Variants in CADM1 observed in about 807,000 individuals in gnomAD.
CADM1 encodes the protein TSLC-1.
A neutral mutation model predicts 53.1 loss-of-function variants in CADM1; 15 were observed. The ratio of observed to expected loss-of-function variants is 0.28; its 90% CI spans 0.19 to 0.44. The LOEUF is 0.44. Among genes scored for constraint, CADM1 ranks in the 20% least tolerant of loss-of-function variants. The pLI is 1.00. For synonymous variants in CADM1, 281 were observed against 243.0 expected (o/e 1.16, Z -1.45); for missense variants, 434 against 611.3 (o/e 0.71, Z 3.06).
chr11:115,176,138 G>C lies in CADM1; in HGVS notation c.*336C>G, dbSNP rs573958980. On this transcript the variant is annotated 3_prime_UTR_variant, in exon 12 of 12. Coordinates refer to ENST00000331581, the MANE Select transcript of CADM1 (RefSeq NM_001301043.2). Reference sequence around the variant, plus strand: ...AGGGAGGAAATAAATGTGCACAAAGGGGGAAAAGAAAGGAACGCAACAAAC... The same window carrying C: ...AGGGAGGAAATAAATGTGCACAAAGCGGGAAAAGAAAGGAACGCAACAAAC... 8.6e-7 allele frequency: 1 copy of C among 1,156,948 alleles called. No individual in the cohort carries two copies. Among genetic ancestry groups the C allele is most frequent in the Non-Finnish European group, 1.1e-6 (1 of 928,042 alleles). 71.7% of individuals were successfully genotyped at this position (1,156,948 alleles called of 1,614,324 possible).
At chr11:115,337,377 C>A (rs1945294925) in intron 1 of CADM1, among the ~76,000 whole-genome samples, 1 of 152,102 alleles carries the variant, frequency 6.6e-6, no homozygotes, top group South Asian at 2.1e-4. Context: ...ACTTGCTATC[C>A]TATTAGTTCT....
Position 115,206,758 on chromosome 11 carries a change from C to CTTTTTTTTTTTTTTTTT in CADM1, c.1078+2799_1078+2815dup, listed in dbSNP as rs56270694. ...AAAAGAAATAGATGACTGTGGACTT[C>CTTTTTTTTTTTTTTTTT]TTTTTTTTTTTTTTTTTTTTTTTTT... On this transcript the variant is annotated intron_variant, in intron 8 of 11. Transcript: ENST00000331581. 2.8e-3 allele frequency among the ~76,000 whole-genome samples: 106 copies of CTTTTTTTTTTTTTTTTT among 38,230 alleles called. 42 individuals are homozygous for CTTTTTTTTTTTTTTTTT. The highest frequency in any genetic ancestry group is 0.017 in the East Asian group (12 of 716). The allele number at this position is 38,230 out of a possible 152,430, so 25.1% of individuals were successfully genotyped here.
intron 1 of CADM1, among the ~76,000 whole-genome samples, chr11:115,269,572 C>T (rs1257710279): frequency 1.3e-5 from 2 of 152,164 alleles, no homozygotes; most frequent in Non-Finnish European, 2.9e-5. Context: ...CTCCAAACAG[C>T]AGGTGATTCC....
chr11:115,357,069 A>C (rs930556656), intron 1 of CADM1, among the ~76,000 whole-genome samples: 1 of 152,204 alleles, frequency 6.6e-6, no homozygotes, highest in African/African-American at 2.4e-5. Context: ...AACTGTGAAG[A>C]AAATTGAAAT....
Position 115,174,599 on chromosome 11 carries a change from A to G in CADM1, c.*1875T>C. 1 of 984,896 alleles carries G rather than the reference A, an allele frequency of 1.0e-6. No homozygotes were observed. Among genetic ancestry groups the G allele is most frequent in the Non-Finnish European group, 1.2e-6 (1 of 829,066 alleles). The allele number at this position is 984,896 out of a possible 1,614,324, so 61.0% of individuals were successfully genotyped here. A position where few individuals can be genotyped will look rare whatever the true frequency, so the allele number is the denominator to read the frequency against. ...TATCAAAGGTTAAAATAAAGACAAG[A>G]AAAATAAACATGTTTTCAAATAACA... is the stretch of plus-strand genomic sequence containing the variant. On this transcript the variant is annotated 3_prime_UTR_variant, in exon 12 of 12. Coordinates refer to ENST00000331581, the MANE Select transcript of CADM1 (RefSeq NM_001301043.2).
chr11:115,317,593 G>A (rs1453248565), intron 1 of CADM1, among the ~76,000 whole-genome samples: 2 of 152,148 alleles, frequency 1.3e-5, no homozygotes, highest in Non-Finnish European at 2.9e-5. Context: ...AGGGGCAGGA[G>A]GCTAATGACT....
intron 10 of CADM1, among the ~76,000 whole-genome samples, chr11:115,184,895 T>C (rs1189528149): frequency 1.3e-5 from 2 of 152,224 alleles, no homozygotes; most frequent in African/African-American, 4.8e-5. Context: ...TATCACTGGC[T>C]ACATTGCTTT....
intron 1 of CADM1, among the ~76,000 whole-genome samples, chr11:115,267,456 C>T (rs1046732813): frequency 3.5e-4 from 53 of 152,242 alleles, no homozygotes; most frequent in African/African-American, 1.1e-3. Flanking sequence ...CTTACATATT[C>T]AGTTCAAATT....
intron 1 of CADM1, among the ~76,000 whole-genome samples, chr11:115,282,266 T>A (rs1019902279): frequency 6.6e-6 from 1 of 152,184 alleles, no homozygotes; most frequent in African/African-American, 2.4e-5. Context: ...TTATGTAACA[T>A]GCTTAAGGAA....
chr11:115,285,156 T>C (rs1316683343), intron 1 of CADM1, among the ~76,000 whole-genome samples: 2 of 152,350 alleles, frequency 1.3e-5, no homozygotes, highest in South Asian at 4.1e-4. Context: ...CCCTGATTTA[T>C]ACAGTCGAAG....
chr11:115,433,715 G>T lies in CADM1; in HGVS notation c.124+70556C>A, dbSNP rs73578869. Among the ~76,000 whole-genome samples, 154 of 152,214 alleles carry T rather than the reference G, an allele frequency of 1.0e-3. 1 individual carries two copies. Among genetic ancestry groups the T allele is most frequent in the African/African-American group, 3.6e-3 (151 of 41,524 alleles). On this transcript the variant is annotated intron_variant, in intron 1 of 11. Transcript: ENST00000331581. ...CCACTTCCCATATTAGAATAAACTT[G>T]CCATTATGTTGGGATTTCTGCCTTT... is the stretch of plus-strand genomic sequence containing the variant.
intron 1 of CADM1, among the ~76,000 whole-genome samples, chr11:115,295,550 A>ATATATATAAT (rs371584699): frequency 1.9e-5 from 1 of 52,998 alleles, no homozygotes; most frequent in Admixed American, 2.5e-4. Context: ...ATATATATAT[A>ATATATATAAT]ATATATATGT....
intron 1 of CADM1, among the ~76,000 whole-genome samples, chr11:115,300,502 TA>T (rs1944190485): frequency 6.6e-6 from 1 of 152,134 alleles, no homozygotes; most frequent in African/African-American, 2.4e-5. Context: ...TCCTTTATTT[TA>T]TACCAATATA....
intron 1 of CADM1, among the ~76,000 whole-genome samples, chr11:115,244,760 C>G (rs1319140063): frequency 6.6e-6 from 1 of 152,162 alleles, no homozygotes; most frequent in African/African-American, 2.4e-5. Context: ...GGGTTGTTTG[C>G]CTATGAGCAA....
At chr11:115,322,956 T>C (rs1479038260) in intron 1 of CADM1, among the ~76,000 whole-genome samples, 1 of 152,068 alleles carries the variant, frequency 6.6e-6, no homozygotes, top group Non-Finnish European at 1.5e-5. Flanking sequence ...TAACTAGGAG[T>C]GTAACTGTTG....
intron 1 of CADM1, among the ~76,000 whole-genome samples, chr11:115,456,164 C>G (rs1007043269): frequency 1.3e-5 from 2 of 152,094 alleles, no homozygotes; most frequent in Admixed American, 1.3e-4. Flanking sequence ...AAAGATAATA[C>G]ACCCAAAGAT....
At chr11:115,333,004 T>C (rs1945172938) in intron 1 of CADM1, among the ~76,000 whole-genome samples, 1 of 152,066 alleles carries the variant, frequency 6.6e-6, no homozygotes, top group Non-Finnish European at 1.5e-5. Context: ...GAGGTCCTCC[T>C]CACCTCACCA....
At chr11:115,307,357 C>T (rs1377682116) in intron 1 of CADM1, among the ~76,000 whole-genome samples, 2 of 151,884 alleles carry the variant, frequency 1.3e-5, no homozygotes, top group East Asian at 3.9e-4. Context: ...AATCAGAAAA[C>T]ATGTTCCTCA....
At chr11:115,416,685 T>C in intron 1 of CADM1, among the ~76,000 whole-genome samples, 1 of 144,772 alleles carries the variant, frequency 6.9e-6, no homozygotes, top group Non-Finnish European at 1.5e-5. Flanking sequence ...GCTGGTCAGT[T>C]GTAAGGATTA....
Sources: allele counts gnomAD v4.1 joint callset (sites outside exome capture counted in the v4.1 genomes callset), GRCh38; gene constraint gnomAD v4.1.1; transcripts MANE v1.5; gene names NCBI Gene and HGNC (gene_info 2026-07-23, HGNC 2026-07-21).